Variants in RTF1 observed in about 807,000 individuals in gnomAD.
RTF1 encodes the protein RTF1 homolog, Paf1/RNA polymerase II complex component, also known as RNA polymerase-associated protein RTF1 homolog.
Under a neutral mutation model 95.7 loss-of-function variants are expected in RTF1, and 10 were observed. That is an observed-to-expected ratio of 0.10 (90% CI 0.06 to 0.18). The LOEUF (loss-of-function observed/expected upper bound fraction) is 0.18. Among genes scored for constraint, RTF1 ranks in the 10% least tolerant of loss-of-function variants. RTF1 has a pLI of 1.00. For synonymous variants in RTF1, 305 were observed against 311.8 expected (o/e 0.98, Z 0.23); for missense variants, 458 against 875.6 (o/e 0.52, Z 6.02).
chr15:41,457,968 C>A, intron 4 of RTF1, 92 bp downstream of exon 4: 1 of 925,130 alleles, frequency 1.1e-6, no homozygotes, highest in Non-Finnish European at 1.7e-6. Flanking sequence ...ACCTGACCTA[C>A]ACATGGAGAC....
At chr15:41,421,076 C>T (rs1308151630) in intron 1 of RTF1, among the ~76,000 whole-genome samples, 2 of 151,288 alleles carry the variant, frequency 1.3e-5, no homozygotes, top group Admixed American at 1.3e-4. Flanking sequence ...AATCTCAGCA[C>T]TTTGGGAGGC....
chr15:41,450,445 C>T (rs79577197), intron 2 of RTF1, among the ~76,000 whole-genome samples: 7,674 of 151,816 alleles, frequency 0.051, 233 homozygotes, highest in East Asian at 0.16. Context: ...ATTAGCCGGG[C>T]GTGGTGGCAT....
At chr15:41,427,145 A>ATT (rs1225127893) in intron 1 of RTF1, among the ~76,000 whole-genome samples, 70 of 78,116 alleles carry the variant, frequency 9.0e-4, no homozygotes, top group Non-Finnish European at 1.1e-3. Context: ...TGGTCTACAA[A>ATT]TTTTTTTTTT....
At chr15:41,477,318 A>G in intron 13 of RTF1, 32 bp downstream of exon 13, 2 of 1,614,006 alleles carry the variant, frequency 1.2e-6, no homozygotes, top group Non-Finnish European at 1.7e-6. Flanking sequence ...TGGCCCGCAG[A>G]CCTTGGCCAA....
At chr15:41,447,538 C>T (rs925572878) in intron 2 of RTF1, among the ~76,000 whole-genome samples, 2 of 152,208 alleles carry the variant, frequency 1.3e-5, no homozygotes, top group East Asian at 1.9e-4. Flanking sequence ...AACTGCTGAT[C>T]TCTGTTATTA....
chr15:41,456,414 G>A (rs11856463), intron 3 of RTF1, among the ~76,000 whole-genome samples: 16,138 of 151,368 alleles, frequency 0.11, 2,054 homozygotes, highest in East Asian at 0.61. Flanking sequence ...GCATGAACCC[G>A]AGAGGCGGAG....
chr15:41,475,803 A>T lies in RTF1; in HGVS notation c.1466A>T (p.Asp489Val). Residue 489 changes from aspartate to valine, a missense_variant, in exon 11 of 18, where the codon GAT (aspartate) becomes GTT (valine). Coordinates refer to ENST00000389629, the MANE Select transcript of RTF1 (RefSeq NM_015138.5). ...GAAGCTCTTAATTATAAATTCAATG[A>T]TCAGGACATTGAAGAGGTAAGAAAA... Reference protein sequence around the residue: ...IKEALNYKFNDQDIEEIVKEK... With the variant: ...IKEALNYKFNVQDIEEIVKEK... 6.4e-7 allele frequency: 1 copy of T among 1,567,412 alleles called. No individual in the cohort carries two copies. Among genetic ancestry groups the T allele is most frequent in the Non-Finnish European group, 8.8e-7 (1 of 1,140,858 alleles).
chr15:41,465,472 C>G (rs1179497317), intron 5 of RTF1, among the ~76,000 whole-genome samples: 1 of 152,156 alleles, frequency 6.6e-6, no homozygotes, highest in African/African-American at 2.4e-5. Context: ...GAAATCCTGT[C>G]TCTACTAAAA....
At chr15:41,454,890 A>C (rs545227578) in intron 3 of RTF1, among the ~76,000 whole-genome samples, 1 of 152,236 alleles carries the variant, frequency 6.6e-6, no homozygotes, top group Non-Finnish European at 1.5e-5. Flanking sequence ...GAGTTTGTGA[A>C]TACCCATATG....
In RTF1 at chr15:41,436,349, C is replaced by T. The variant is rs1056477719; in HGVS notation, c.199-1972C>T. On this transcript the variant is annotated intron_variant, in intron 1 of 17. Coordinates refer to ENST00000389629, the MANE Select transcript of RTF1 (RefSeq NM_015138.5). ...GCTGGCACCGGTAGTCCCAGCTACT[C>T]AGGAGGCTGAGGCAGGAGAATGGTG... Among the ~76,000 whole-genome samples the T allele has an allele frequency of 1.8e-4, 27 of 149,590 alleles. No individual in the cohort carries two copies. The East Asian group carries it at 2.4e-3, about 13-fold the overall frequency.
intron 1 of RTF1, among the ~76,000 whole-genome samples, chr15:41,424,498 G>GA (rs1355069977): frequency 1.3e-5 from 2 of 152,202 alleles, no homozygotes; most frequent in African/African-American, 2.4e-5. Flanking sequence ...TAGTACAAAT[G>GA]AAACTGTAGA....
At chr15:41,478,459 C>A in intron 14 of RTF1, 89 bp from the exon 15 acceptor site, 3 of 924,120 alleles carry the variant, frequency 3.2e-6, no homozygotes, top group South Asian at 1.5e-5. Flanking sequence ...TTTTTCAGTC[C>A]CGTGCAAAGA....
chr15:41,473,980 T>C (rs2050929176), intron 8 of RTF1, among the ~76,000 whole-genome samples: 1 of 151,994 alleles, frequency 6.6e-6, no homozygotes, highest in African/African-American at 2.4e-5. Context: ...GAGGTTGCAG[T>C]GAGCCAAAAT....
At chr15:41,452,760 T>C in intron 2 of RTF1, 141 bp from the exon 3 acceptor site, 1 of 681,788 alleles carries the variant, frequency 1.5e-6, no homozygotes, top group Non-Finnish European at 2.2e-6. Flanking sequence ...TTTTCAAAAA[T>C]CTGTATTTTT....
In RTF1 at chr15:41,455,175, A is replaced by G. The variant is rs150973356; in HGVS notation, c.457+2127A>G. Among the ~76,000 whole-genome samples, 376 of 152,066 alleles carry G rather than the reference A, an allele frequency of 2.5e-3. 1 individual carries two copies. The highest frequency in any genetic ancestry group is 8.6e-3 in the African/African-American group (356 of 41,508). On this transcript the variant is annotated intron_variant, in intron 3 of 17. Coordinates refer to ENST00000389629, the MANE Select transcript of RTF1 (RefSeq NM_015138.5). ...CTAAAAATACAAAAATTAGCTCAGC[A>G]TGGTGGTGCCTACCTGTAATCCCTA...
chr15:41,426,858 T>C (rs1035152758), intron 1 of RTF1, among the ~76,000 whole-genome samples: 4 of 148,562 alleles, frequency 2.7e-5, no homozygotes, highest in Admixed American at 6.8e-5. Flanking sequence ...TTGTTTGTTT[T>C]TTAGGCAGAG....
chr15:41,473,665 C>T (rs548879634), intron 8 of RTF1, among the ~76,000 whole-genome samples: 34 of 152,196 alleles, frequency 2.2e-4, no homozygotes, highest in African/African-American at 6.7e-4. Context: ...TGGACTCAAA[C>T]GATCCTCCTA....
At chr15:41,468,509 G>C (rs1312531007) in intron 6 of RTF1, among the ~76,000 whole-genome samples, 1 of 152,066 alleles carries the variant, frequency 6.6e-6, no homozygotes, top group Non-Finnish European at 1.5e-5. Context: ...AGTAGAGAAG[G>C]GGTTTCACCA....
chr15:41,464,086 G>A lies in RTF1; in HGVS notation c.663-685G>A, dbSNP rs187795562. Among the ~76,000 whole-genome samples, 15 of 149,956 alleles carry A rather than the reference G, an allele frequency of 1.0e-4. No individual in the cohort carries two copies. In the East Asian group the frequency reaches 2.6e-3, roughly 26 times the overall value. ...AGGATGGTCTCAATCTCCTGACCTC[G>A]TGATCCGTCCACCTTGGTTTCCCAA... On this transcript the variant is annotated intron_variant, in intron 4 of 17. Transcript: ENST00000389629.
Sources: gnomAD v4.1 joint callset for allele counts (sites outside exome capture counted in the v4.1 genomes callset) on GRCh38, gnomAD v4.1.1 for gene constraint, MANE v1.5 for transcripts, NCBI Gene and HGNC (gene_info 2026-07-23, HGNC 2026-07-21) for gene names.